The following LTN1 variants were observed in gnomAD, a reference collection of about 807,000 sequenced individuals.
LTN1 encodes listerin E3 ubiquitin protein ligase 1.
LTN1 carries 88 observed loss-of-function variants against 201.2 expected under a neutral mutation model. The observed-to-expected ratio is 0.44, with a 90% confidence interval of 0.37 to 0.52. The LOEUF is 0.52. LTN1 is among the 20% of genes least tolerant of loss of function. The probability of loss-of-function intolerance (pLI) is 0.00; values close to 1 mark genes in which losing one functional copy is unlikely to be tolerated. For synonymous variants in LTN1, 645 were observed against 713.5 expected (o/e 0.90, Z 1.53); for missense variants, 1,752 against 2,038.7 (o/e 0.86, Z 2.71).
chr21:28,967,070 T>C lies in LTN1; in HGVS notation c.1421A>G (p.Glu474Gly). Residue 474 changes from glutamate (E) to glycine (G), a missense_variant, in exon 10 of 30, where the codon GAA becomes GGA. Transcript: ENST00000361371. ...LSSWEAKADT[E>G]KDEKTAHNLE... ...GTTGTGAGCTGTTTTTTCATCTTTT[T>C]CCGTGTCTGCTTTGGCTTCCCAGGA... 6.2e-7 allele frequency: 1 copy of C among 1,614,176 alleles called. No individual in the cohort carries two copies. Among genetic ancestry groups the C allele is most frequent in the Non-Finnish European group, 8.5e-7 (1 of 1,180,024 alleles).
intron 13 of LTN1, 72 bp from the exon 14 acceptor site, chr21:28,958,611 C>G: frequency 8.9e-7 from 1 of 1,121,264 alleles, no homozygotes; most frequent in Middle Eastern, 2.2e-4. Flanking sequence ...ATGTTTGAAA[C>G]AACTCTACAG....
chr21:28,977,655 G>A (rs1373773659), intron 6 of LTN1, among the ~76,000 whole-genome samples: 2 of 152,086 alleles, frequency 1.3e-5, no homozygotes, highest in Non-Finnish European at 2.9e-5. Flanking sequence ...CCTGGGAGGT[G>A]GAGGTTGCAG....
In LTN1 at chr21:28,984,676, T is replaced by A; in HGVS notation, c.576+16A>T. Reference sequence around the variant, plus strand: ...TTAAAAAAAAAAAATAGATTCAGAATGATTCCAGAACTTACACTTGTAATT... The same window carrying A: ...TTAAAAAAAAAAAATAGATTCAGAAAGATTCCAGAACTTACACTTGTAATT... On this transcript the variant is annotated intron_variant, in intron 4 of 29. Transcript: ENST00000361371. 3.2e-6 allele frequency: 5 copies of A among 1,571,640 alleles called. No homozygotes were observed. The South Asian group carries it at 4.6e-5, about 15-fold the overall frequency.
At chr21:28,978,617 T>A (rs890106881) in intron 6 of LTN1, among the ~76,000 whole-genome samples, 3 of 152,296 alleles carry the variant, frequency 2.0e-5, no homozygotes, top group Admixed American at 1.3e-4. Flanking sequence ...AAGGCAAAAA[T>A]CAGTGACTTT....
In LTN1 at chr21:28,952,248, T is replaced by C. The variant is rs2084388581; in HGVS notation, c.3256A>G (p.Thr1086Ala). 6 of 1,599,782 alleles carry C rather than the reference T, an allele frequency of 3.8e-6. No individual in the cohort carries two copies. In the East Asian group the frequency reaches 1.3e-4, roughly 36 times the overall value. Reference protein sequence around the residue: ...LLFNRSREHGTLWSLIIAKLI... With the variant: ...LLFNRSREHGALWSLIIAKLI... ...TTAGCAATAATAAGAGACCACAGTG[T>C]GCCATGTTCTCTGGACCTGAAAAAG... Residue 1086 changes from threonine to alanine, a missense_variant, in exon 18 of 30, where the codon ACA becomes GCA. Around this residue, in one of 3 missense-constraint regions of LTN1, gnomAD observed 1,211 missense variants for 1,312.8 expected, o/e 0.92. Coordinates refer to ENST00000361371, the MANE Select transcript of LTN1 (RefSeq NM_015565.3).
chr21:28,990,775 T>A (rs1015232837), intron 1 of LTN1, among the ~76,000 whole-genome samples: 5 of 152,128 alleles, frequency 3.3e-5, no homozygotes, highest in African/African-American at 7.2e-5. Flanking sequence ...TCTGAATTAA[T>A]CAAACAAATG....
chr21:28,958,593 A>G, intron 13 of LTN1, 54 bp from the exon 14 acceptor site: 2 of 1,335,336 alleles, frequency 1.5e-6, no homozygotes, highest in Non-Finnish European at 2.1e-6. Flanking sequence ...AACTCTCATC[A>G]GCACAAAATG....
Position 28,986,640 on chromosome 21 carries a change from G to T in LTN1, c.246+91C>A. ...TTATAAAAGAACTTAGCAATAAATT[G>T]TTCATTTTTCTTTACATAAAACATG... On this transcript the variant is annotated intron_variant, in intron 2 of 29. Transcript: ENST00000361371. The surrounding 1 kb of genome is among the most constrained non-coding windows in gnomAD (Gnocchi z 4.1). The T allele has an allele frequency of 1.1e-6, 1 of 951,010 alleles. No homozygotes were observed. The highest frequency in any genetic ancestry group is 1.6e-6 in the Non-Finnish European group (1 of 619,980). 58.9% of individuals were successfully genotyped at this position (951,010 alleles called of 1,614,324 possible). A position where few individuals can be genotyped will look rare whatever the true frequency, so the allele number is the denominator to read the frequency against.
intron 16 of LTN1, among the ~76,000 whole-genome samples, chr21:28,954,257 C>T (rs1377929427): frequency 1.6e-4 from 24 of 152,146 alleles, no homozygotes; most frequent in Non-Finnish European, 1.5e-5. Context: ...GTGAAGGTGG[C>T]TGCCCAAAAG....
At chr21:28,964,716 G>T in intron 11 of LTN1, 6 of 1,550,422 alleles carry the variant, frequency 3.9e-6, no homozygotes, top group Non-Finnish European at 5.2e-6. Context: ...TCAGGAAGAG[G>T]ATTTTCTTCC....
Position 28,970,546 on chromosome 21 carries a change from ACTTACC to A in LTN1, c.1175_1175+5del. The A allele has an allele frequency of 1.9e-6, 3 of 1,587,774 alleles. No individual in the cohort carries two copies. The highest frequency in any genetic ancestry group is 2.6e-6 in the Non-Finnish European group (3 of 1,162,722). ...GTTTTAAAAATCAAAAATTTAAATT[ACTTACC>A]CAGCAACTAGAGACGTGAGGAAATT... On this transcript the variant is annotated splice_donor_variant and splice_donor_5th_base_variant and coding_sequence_variant and intron_variant, in exon 8 of 30. Coordinates refer to ENST00000361371, the MANE Select transcript of LTN1 (RefSeq NM_015565.3). LOFTEE classifies it high-confidence loss of function.
At chr21:28,933,653 C>T (rs555075667) in intron 27 of LTN1, among the ~76,000 whole-genome samples, 2 of 150,820 alleles carry the variant, frequency 1.3e-5, no homozygotes, top group South Asian at 4.2e-4. Context: ...TTTGCTTTTG[C>T]AATACTATTC....
intron 25 of LTN1, among the ~76,000 whole-genome samples, chr21:28,937,344 C>T (rs2084264600): frequency 6.6e-6 from 1 of 152,146 alleles, no homozygotes; most frequent in African/African-American, 2.4e-5. Flanking sequence ...TATCACATAT[C>T]TCCTCACAGT....
chr21:28,947,558 A>G lies in LTN1; in HGVS notation c.3393T>C (p.Cys1131=). ...TCTTTTCTTCTTTTGACAAAAATGG[A>G]CATAGACTTTGAATGGTATGCAAAT... ...EGNLHTIQSL[C]PFLSKEEKKE... is the part of the protein sequence containing the mutation. Residue 1131 remains cysteine (C), a synonymous_variant, in exon 19 of 30, where the codon TGT becomes TGC. Transcript: ENST00000361371. 1 of 1,594,938 alleles carries G rather than the reference A, an allele frequency of 6.3e-7. No homozygotes were observed. Among genetic ancestry groups the G allele is most frequent in the Admixed American group, 1.8e-5 (1 of 55,158 alleles).
At chr21:28,962,031 T>G (rs79492401) in intron 11 of LTN1, among the ~76,000 whole-genome samples, 14 of 152,148 alleles carry the variant, frequency 9.2e-5, no homozygotes, top group Non-Finnish European at 1.6e-4. Flanking sequence ...AAAGATGATT[T>G]TAAGACTCTG....
At chr21:28,931,558 T>G (rs2084211206) in intron 28 of LTN1, among the ~76,000 whole-genome samples, 2 of 152,230 alleles carry the variant, frequency 1.3e-5, no homozygotes, top group Admixed American at 1.3e-4. Context: ...GACCAATACT[T>G]AAAGTGTTAT....
intron 11 of LTN1, among the ~76,000 whole-genome samples, chr21:28,963,477 T>C: frequency 6.6e-6 from 1 of 152,124 alleles, no homozygotes. Context: ...AAGCCCACTG[T>C]TGGAAAAACG....
At chr21:28,963,385 A>G (rs1305016913) in intron 11 of LTN1, among the ~76,000 whole-genome samples, 2 of 152,236 alleles carry the variant, frequency 1.3e-5, no homozygotes, top group African/African-American at 2.4e-5. Context: ...CCTTATGCTA[A>G]ATCTACTTTG....
intron 9 of LTN1, 25 bp downstream of exon 9, chr21:28,969,441 C>A: frequency 1.3e-6 from 2 of 1,594,338 alleles, no homozygotes; most frequent in East Asian, 2.3e-5. Flanking sequence ...TGCAAAGAGA[C>A]TGACGACTTT....
Sources: allele counts gnomAD v4.1 joint callset (sites outside exome capture counted in the v4.1 genomes callset), GRCh38; gene constraint gnomAD v4.1.1; regional missense constraint gnomAD v4.1.1; non-coding constraint Gnocchi (gnomAD v3.1); transcripts MANE v1.5; gene names NCBI Gene and HGNC (gene_info 2026-07-23, HGNC 2026-07-21).